Variants in C12orf42 observed in about 807,000 individuals in gnomAD.
The protein encoded by C12orf42 is chromosome 12 open reading frame 42.
Under a neutral mutation model 21.6 loss-of-function variants are expected in C12orf42, and 25 were observed. The observed-to-expected ratio is 1.16, with a 90% CI of 0.84 to 1.62. The LOEUF is 1.62. C12orf42 is among the 40% of genes most tolerant of loss of function. The pLI, the probability that C12orf42 is intolerant of heterozygous loss-of-function variation, is 0.00. For missense variants in C12orf42, 483 were observed against 459.3 expected, an observed-to-expected ratio of 1.05 and a Z score of -0.47; for synonymous variants, 174 against 175.0, an observed-to-expected ratio of 0.99 and a Z score of 0.05.
At chr12:103,404,451 C>T (rs1417361757) in intron 2 of C12orf42, among the ~76,000 whole-genome samples, 3 of 152,214 alleles carry the variant, frequency 2.0e-5, no homozygotes, top group Non-Finnish European at 4.4e-5. Flanking sequence ...CATTAACAAT[C>T]ATTTGTGTTT....
intron 4 of C12orf42, among the ~76,000 whole-genome samples, chr12:103,316,749 A>G (rs2039538191): frequency 6.6e-6 from 1 of 152,102 alleles, no homozygotes; most frequent in African/African-American, 2.4e-5. Context: ...CCATGAGGGT[A>G]AGTACCAGCT....
At chr12:103,165,726 G>A in the C12orf42 span, among the ~76,000 whole-genome samples, 2 of 152,152 alleles carry the variant, frequency 1.3e-5, no homozygotes, top group African/African-American at 4.8e-5. Flanking sequence ...CTTATAATCT[G>A]AAGACATCAC....
chr12:103,412,711 T>C (rs2048955711), intron 2 of C12orf42, among the ~76,000 whole-genome samples: 1 of 152,238 alleles, frequency 6.6e-6, no homozygotes, highest in South Asian at 2.1e-4. Flanking sequence ...ATTTCTCTGA[T>C]GATTAGTGAT....
chr12:103,320,659 A>C (rs1379902986), intron 4 of C12orf42, among the ~76,000 whole-genome samples: 1 of 152,202 alleles, frequency 6.6e-6, no homozygotes, highest in Non-Finnish European at 1.5e-5. Context: ...TCTACATTCA[A>C]TATTAGAGAT....
In C12orf42 at chr12:103,360,863, C is replaced by A. The variant is rs77123131; in HGVS notation, c.259+8024G>T. ...ACTAATGCTCATCAAAGGGCACAAG[C>A]TAAATAAGTTAAAGTATATCCATAA... On this transcript the variant is annotated intron_variant, in intron 4 of 5. Coordinates refer to ENST00000548883, the MANE Select transcript of C12orf42 (RefSeq NM_198521.5). 2.2e-3 allele frequency among the ~76,000 whole-genome samples: 331 copies of A among 152,192 alleles called. 4 individuals carry two copies. In the East Asian group the frequency reaches 0.057, roughly 26 times the overall value.
the C12orf42 span, among the ~76,000 whole-genome samples, chr12:103,111,937 C>G: frequency 6.6e-6 from 1 of 152,252 alleles, no homozygotes; most frequent in Admixed American, 6.5e-5. Flanking sequence ...CAAACCCTGT[C>G]TATTCTATTT....
intron 2 of C12orf42, among the ~76,000 whole-genome samples, chr12:103,425,481 G>A (rs1949727799): frequency 6.6e-6 from 1 of 152,212 alleles, no homozygotes; most frequent in Non-Finnish European, 1.5e-5. Context: ...CAAGCTTCCA[G>A]AGGAAGGAAC....
chr12:103,274,220 G>C (rs961131731), intron 5 of C12orf42, among the ~76,000 whole-genome samples: 4 of 152,196 alleles, frequency 2.6e-5, no homozygotes, highest in African/African-American at 9.7e-5. Context: ...CAACATAGCT[G>C]TCAAGTGGCA....
At chr12:103,237,237 G>A (rs2033496731), downstream of C12orf42, among the ~76,000 whole-genome samples, 1 of 152,110 alleles carries the variant, frequency 6.6e-6, no homozygotes, top group African/African-American at 2.4e-5. Flanking sequence ...TTCCTGGTGG[G>A]CTTGAATGTC....
chr12:103,146,402 C>A, the C12orf42 span, among the ~76,000 whole-genome samples: 1 of 149,356 alleles, frequency 6.7e-6, no homozygotes, highest in Admixed American at 6.7e-5. Context: ...ATCCCTTGAA[C>A]CAGGGAAGTG....
chr12:103,168,973 G>A, the C12orf42 span, among the ~76,000 whole-genome samples: 412 of 151,934 alleles, frequency 2.7e-3, 5 homozygotes, highest in Non-Finnish European at 9.7e-4. Flanking sequence ...GAACATATGG[G>A]CACAGGGAGG....
intron 2 of C12orf42, among the ~76,000 whole-genome samples, chr12:103,426,753 G>A (rs553548032): frequency 8.5e-5 from 13 of 152,296 alleles, no homozygotes; most frequent in South Asian, 8.3e-4. Context: ...GACTAACAGC[G>A]GATCTCTCGG....
chr12:103,508,016 G>T, the C12orf42 span, among the ~76,000 whole-genome samples: 2 of 152,114 alleles, frequency 1.3e-5, no homozygotes, highest in African/African-American at 4.8e-5. Context: ...CCCTCAGCCT[G>T]GCTCTCTAAC....
chr12:103,118,623 C>T, the C12orf42 span, among the ~76,000 whole-genome samples: 1 of 151,746 alleles, frequency 6.6e-6, no homozygotes, highest in African/African-American at 2.4e-5. Flanking sequence ...ACGGTGAAAC[C>T]CCGTCTCTAC....
intron 3 of C12orf42, chr12:103,397,658 A>G (rs1399569717): frequency 1.3e-5 from 2 of 152,198 alleles, no homozygotes; most frequent in Non-Finnish European, 2.9e-5. Flanking sequence ...CAACTGCTTT[A>G]TGTGTCTTCA....
chr12:103,141,078 A>T, the C12orf42 span, among the ~76,000 whole-genome samples: 7 of 152,224 alleles, frequency 4.6e-5, no homozygotes, highest in African/African-American at 1.7e-4. Context: ...TACAAAGCCC[A>T]GGCCTTTCCA....
intron 4 of C12orf42, among the ~76,000 whole-genome samples, chr12:103,340,490 C>G (rs957879355): frequency 6.6e-6 from 1 of 152,060 alleles, no homozygotes; most frequent in African/African-American, 2.4e-5. Flanking sequence ...AAAGCAAAAC[C>G]CAAAAGAATC....
intron 2 of C12orf42, among the ~76,000 whole-genome samples, chr12:103,454,397 ATCTT>A (rs1171849068): frequency 6.6e-6 from 1 of 152,096 alleles, no homozygotes; most frequent in African/African-American, 2.4e-5. Context: ...GATGTTTTAA[ATCTT>A]TCTTATATTC....
the C12orf42 span, among the ~76,000 whole-genome samples, chr12:103,522,737 C>T: frequency 6.6e-6 from 1 of 152,198 alleles, no homozygotes. Flanking sequence ...TAATAACACA[C>T]CCTTGGATGG....
Sources: allele counts gnomAD v4.1 joint callset (sites outside exome capture counted in the v4.1 genomes callset), GRCh38; gene constraint gnomAD v4.1.1; transcripts MANE v1.5; gene names NCBI Gene and HGNC (gene_info 2026-07-23, HGNC 2026-07-21).